Variants in ZNF274 observed in about 807,000 individuals in gnomAD.
The protein encoded by ZNF274 is neurotrophin receptor-interacting factor homolog.
Under a neutral mutation model 42.5 loss-of-function variants are expected in ZNF274, and 23 were observed. The ratio of observed to expected loss-of-function variants is 0.54; its 90% CI spans 0.39 to 0.77. ZNF274 has a LOEUF of 0.77. ZNF274 is among the 30% of genes least tolerant of loss of function. The pLI is 0.00. For missense variants in ZNF274, 679 were observed against 806.5 expected, an observed-to-expected ratio of 0.84 and a Z score of 1.91; for synonymous variants, 292 against 305.4, an observed-to-expected ratio of 0.96 and a Z score of 0.46.
chr19:58,206,115 A>G (rs1270187990), intron 4 of ZNF274, among the ~76,000 whole-genome samples: 1 of 152,144 alleles, frequency 6.6e-6, no homozygotes, highest in Non-Finnish European at 1.5e-5. Context: ...ATTTCCTAAC[A>G]ATTACTAATC....
Position 58,208,409 on chromosome 19 carries a change from A to G in ZNF274, c.739+1207A>G, listed in dbSNP as rs1043182543. 2 of 152,234 alleles carry G rather than the reference A, an allele frequency of 1.3e-5. No individual in the cohort carries two copies. The highest frequency in any genetic ancestry group is 4.8e-5 in the African/African-American group (2 of 41,448). The allele number at this position is 152,234 out of a possible 1,614,324, so 9.4% of individuals were successfully genotyped here. A position where few individuals can be genotyped will look rare whatever the true frequency, so the allele number is the denominator to read the frequency against. On this transcript the variant is annotated intron_variant, in intron 5 of 7. Coordinates refer to ENST00000617501, the MANE Select transcript of ZNF274 (RefSeq NM_133502.3). The surrounding 1 kb of genome is among the most constrained non-coding windows in gnomAD (Gnocchi z 4.5). ...AAGGTGTCCATGTCCTGACTCCTGG[A>G]CCCTGTGAATAAGTTGCCTCACATG...
chr19:58,201,518 T>C (rs1847651702), intron 4 of ZNF274, among the ~76,000 whole-genome samples: 1 of 151,520 alleles, frequency 6.6e-6, no homozygotes. Context: ...GAATTTCTTT[T>C]TTTTTTTTTT....
intron 6 of ZNF274, 65 bp downstream of exon 6, chr19:58,210,138 G>A: frequency 2.3e-6 from 3 of 1,332,028 alleles, no homozygotes; most frequent in Non-Finnish European, 3.2e-6. Flanking sequence ...CACCCCTGAG[G>A]CATCCACTCT....
intron 4 of ZNF274, among the ~76,000 whole-genome samples, chr19:58,193,998 C>T (rs1211945612): frequency 1.3e-5 from 2 of 152,098 alleles, no homozygotes; most frequent in South Asian, 2.1e-4. Context: ...TGTGGTGGCT[C>T]ACACCTGTAA....
intron 4 of ZNF274, among the ~76,000 whole-genome samples, chr19:58,200,940 G>A (rs887170842): frequency 1.3e-5 from 2 of 152,114 alleles, no homozygotes; most frequent in African/African-American, 4.8e-5. Context: ...AAGGCAGGGA[G>A]CAGGCACATC....
At chr19:58,201,456 C>T (rs2075910040) in intron 4 of ZNF274, among the ~76,000 whole-genome samples, 2 of 151,988 alleles carry the variant, frequency 1.3e-5, no homozygotes, top group East Asian at 1.9e-4. Context: ...CAGAACCAAA[C>T]CGGATCATCC....
At chr19:58,201,001 T>G (rs950673094) in intron 4 of ZNF274, among the ~76,000 whole-genome samples, 2 of 150,468 alleles carry the variant, frequency 1.3e-5, no homozygotes, top group Non-Finnish European at 3.0e-5. Context: ...ATACTGTTGT[T>G]TGTTTGTTTT....
chr19:58,213,491 C>T lies in ZNF274; in HGVS notation c.*348C>T, dbSNP rs568733659. On this transcript the variant is annotated 3_prime_UTR_variant, in exon 8 of 8. Coordinates refer to ENST00000617501, the MANE Select transcript of ZNF274 (RefSeq NM_133502.3). ...CACTGATATTACATCCACAGTACCA[C>T]AGTATTTATGTGTATGAATTAAGGA... 9.6e-5 allele frequency: 22 copies of T among 229,296 alleles called. No homozygotes were observed. Among genetic ancestry groups the T allele is most frequent in the Admixed American group, 4.0e-4 (8 of 20,064 alleles). 14.2% of individuals were successfully genotyped at this position (229,296 alleles called of 1,614,324 possible).
intron 4 of ZNF274, among the ~76,000 whole-genome samples, chr19:58,199,693 A>T (rs1050054493): frequency 1.3e-5 from 2 of 152,264 alleles, no homozygotes; most frequent in African/African-American, 4.8e-5. Context: ...AGCCTGGCTT[A>T]TGGTGCGAGA....
At chr19:58,185,653 G>A in intron 2 of ZNF274, 59 bp from the exon 3 acceptor site, 1 of 1,381,018 alleles carries the variant, frequency 7.2e-7, no homozygotes, top group Non-Finnish European at 9.5e-7. Flanking sequence ...AGCCTCCCCT[G>A]TCTTTCTTTT....
chr19:58,197,478 C>G (rs1269143074), intron 4 of ZNF274, among the ~76,000 whole-genome samples: 1 of 152,154 alleles, frequency 6.6e-6, no homozygotes, highest in Non-Finnish European at 1.5e-5. Context: ...TTCTAATTTG[C>G]TTATTATCTG....
intron 4 of ZNF274, among the ~76,000 whole-genome samples, chr19:58,189,879 C>CTTTGGGATTTGGGA (rs2075757797): frequency 6.6e-6 from 1 of 152,026 alleles, no homozygotes; most frequent in African/African-American, 2.4e-5. Flanking sequence ...AATCCCAGCA[C>CTTTGGGATTTGGGA]TTTGGGAGGC....
At chr19:58,198,871 G>A (rs2075875173) in intron 4 of ZNF274, among the ~76,000 whole-genome samples, 1 of 149,958 alleles carries the variant, frequency 6.7e-6, no homozygotes, top group Non-Finnish European at 1.5e-5. Context: ...CCTGAGCAGT[G>A]GAGATTTTTT....
chr19:58,199,605 C>T (rs937395402), intron 4 of ZNF274, among the ~76,000 whole-genome samples: 6 of 152,116 alleles, frequency 3.9e-5, no homozygotes, highest in Non-Finnish European at 7.4e-5. Flanking sequence ...ACCTGTAATT[C>T]GGGAGGCTGA....
intron 4 of ZNF274, among the ~76,000 whole-genome samples, chr19:58,189,363 G>A (rs1282225178): frequency 2.0e-5 from 3 of 152,134 alleles, no homozygotes; most frequent in Non-Finnish European, 2.9e-5. Context: ...CGCTCAAGCA[G>A]TCCTCCTGAC....
rs73939494 is a variant in ZNF274, at chr19:58,207,397, G to C, written c.739+195G>C. 6.6e-6 allele frequency among the ~76,000 whole-genome samples: 1 copy of C among 152,120 alleles called. No homozygotes were observed. Among genetic ancestry groups the C allele is most frequent in the African/African-American group, 2.4e-5 (1 of 41,404 alleles). On this transcript the variant is annotated intron_variant, in intron 5 of 7. Transcript: ENST00000617501. The surrounding 1 kb of genome is among the most constrained non-coding windows in gnomAD (Gnocchi z 5.6). ...AAACCCTTGCATTCTTTAGCCCTTC[G>C]TGGGCTTCTGATGGAAGCACACAGA... is the stretch of plus-strand genomic sequence containing the variant.
rs754370315 is a variant in ZNF274 at position 58,207,154 on chromosome 19, G to A, written c.691G>A (p.Glu231Lys). 26 of 1,613,426 alleles carry A rather than the reference G, an allele frequency of 1.6e-5. No individual in the cohort carries two copies. The East Asian group carries it at 5.1e-4, about 32-fold the overall frequency. The change falls in exon 5 of 8, where the codon GAG (glutamate) becomes AAG (lysine). Residue 231 changes from glutamate to lysine, a missense_variant. Glu to Lys is a moderately conservative substitution (Grantham distance 56, BLOSUM62 1). Transcript: ENST00000617501. The surrounding 1 kb of genome is among the most constrained non-coding windows in gnomAD (Gnocchi z 5.6). ...VESQHPENCQ[E>K]VVALVEGVTW... is the part of the protein sequence containing the mutation. ...ATCGCAGCACCCAGAGAACTGCCAA[G>A]AGGTGGTGGCCCTGGTAGAGGGTGT...
chr19:58,201,922 G>A (rs975039356), intron 4 of ZNF274, among the ~76,000 whole-genome samples: 2 of 152,342 alleles, frequency 1.3e-5, no homozygotes, highest in Admixed American at 1.3e-4. Flanking sequence ...AAGATGATCA[G>A]CAGCCTTTGG....
At chr19:58,187,431 T>C (rs1356398760) in intron 4 of ZNF274, among the ~76,000 whole-genome samples, 2 of 152,168 alleles carry the variant, frequency 1.3e-5, no homozygotes, top group Non-Finnish European at 2.9e-5. Context: ...CAAGTCAGCT[T>C]CTTTTTGTTT....
Sources: allele counts gnomAD v4.1 joint callset (sites outside exome capture counted in the v4.1 genomes callset), GRCh38; gene constraint gnomAD v4.1.1; non-coding constraint Gnocchi (gnomAD v3.1); transcripts MANE v1.5; gene names NCBI Gene and HGNC (gene_info 2026-07-23, HGNC 2026-07-21).